The following CSMD2 variants were observed in gnomAD, a reference collection of about 807,000 sequenced individuals.
CSMD2 encodes CUB and sushi domain-containing protein 2.
CSMD2 carries 130 observed loss-of-function variants against 398.5 expected under a neutral mutation model. The observed-to-expected ratio is 0.33, with a 90% CI of 0.28 to 0.38. CSMD2 has a LOEUF of 0.38. Among genes scored for constraint, CSMD2 ranks in the 10% least tolerant of loss-of-function variants. The pLI is 1.00. For missense variants in CSMD2, 3,829 were observed against 4,764.9 expected (o/e 0.80, Z 5.78); for synonymous variants, 1,828 against 1,908.5 (o/e 0.96, Z 1.10).
chr1:33,693,637 A>AT (rs1557741122), intron 24 of CSMD2, among the ~76,000 whole-genome samples: 1 of 152,268 alleles, frequency 6.6e-6, no homozygotes, highest in Non-Finnish European at 1.5e-5. Context: ...AAACTTGAAC[A>AT]TGAATGTTCA....
intron 5 of CSMD2, chr1:33,864,744 C>A (rs1261610187): frequency 1.1e-5 from 18 of 1,606,800 alleles, no homozygotes; most frequent in Non-Finnish European, 1.4e-5. Flanking sequence ...AAGAGTCAGG[C>A]AGAGCTGATG....
intron 40 of CSMD2, among the ~76,000 whole-genome samples, chr1:33,612,869 A>G (rs1641116071): frequency 6.6e-6 from 1 of 151,906 alleles, no homozygotes; most frequent in Non-Finnish European, 1.5e-5. Context: ...TTTAGTAGAG[A>G]CGGGTTTTCA....
At position 33,633,353 on chromosome 1, in the gene CSMD2, C is replaced by G; in HGVS notation, c.5200+69G>C. On this transcript the variant is annotated intron_variant, in intron 32 of 70. Transcript: ENST00000373381. This position sits in a 1 kb window ranked among gnomAD's most constrained non-coding sequence, Gnocchi z 5.0. The stretch of plus-strand genomic sequence containing the variant: ...TGCGGCCATGGGGTGCTTCTAGAGC[C>G]TCCTTCCTTTAGCCGGACGTGATGC... 1 of 1,203,560 alleles carries G rather than the reference C, an allele frequency of 8.3e-7. No individual in the cohort carries two copies. 74.6% of individuals were successfully genotyped at this position (1,203,560 alleles called of 1,614,324 possible).
At chr1:34,062,567 G>A (rs553497990) in intron 2 of CSMD2, among the ~76,000 whole-genome samples, 4 of 152,304 alleles carry the variant, frequency 2.6e-5, no homozygotes, top group South Asian at 2.1e-4. Context: ...GAGGGGCTCC[G>A]GGGGCAAGAC....
intron 28 of CSMD2, among the ~76,000 whole-genome samples, chr1:33,647,678 C>T (rs934189072): frequency 2.6e-5 from 4 of 152,088 alleles, no homozygotes; most frequent in Non-Finnish European, 1.5e-5. Context: ...ATGAATTCTG[C>T]TAAAATTGAA....
chr1:33,987,722 C>G (rs975484110), intron 3 of CSMD2, among the ~76,000 whole-genome samples: 4 of 152,184 alleles, frequency 2.6e-5, no homozygotes, highest in Admixed American at 1.3e-4. Context: ...CTCACCCTTG[C>G]CGTGCCTCCA....
chr1:33,842,483 T>A (rs1042326275), intron 6 of CSMD2, among the ~76,000 whole-genome samples: 1 of 152,092 alleles, frequency 6.6e-6, no homozygotes. Flanking sequence ...TACCACACTT[T>A]CCAGTCTCAG....
chr1:34,009,209 AAAAC>A (rs1392917202), intron 3 of CSMD2, among the ~76,000 whole-genome samples: 1 of 152,126 alleles, frequency 6.6e-6, no homozygotes, highest in Non-Finnish European at 1.5e-5. Flanking sequence ...TCCTATGAGA[AAAAC>A]AAAGCCAAAC....
chr1:33,899,162 G>T (rs967817271), intron 5 of CSMD2, among the ~76,000 whole-genome samples: 6 of 152,230 alleles, frequency 3.9e-5, no homozygotes, highest in African/African-American at 1.4e-4. Context: ...GAACGCTGAT[G>T]GCAGTCTGTC....
In CSMD2 at chr1:33,533,100, C is replaced by T. The variant is rs1343666692; in HGVS notation, c.10121G>A (p.Arg3374His). The change falls in exon 64 of 71, where the codon CGC becomes CAC. Residue 3374 changes from arginine to histidine, a missense_variant. Around this residue, in one of 5 missense-constraint regions of CSMD2, gnomAD observed 917 missense variants for 1,199.5 expected, o/e 0.76. Coordinates refer to ENST00000373381, the MANE Select transcript of CSMD2 (RefSeq NM_001281956.2). The surrounding 1 kb of genome is among the most constrained non-coding windows in gnomAD (Gnocchi z 4.2). ...CCAGCTGCCATCCGCCTTGCAGGTGCGGTGCTCGGAGCCACCCTTGAGGGA... is the reference window on the plus strand; with the variant it reads ...CCAGCTGCCATCCGCCTTGCAGGTGTGGTGCTCGGAGCCACCCTTGAGGGA... ...GFSLKGGSEH[R>H]TCKADGSWTG... 6 of 1,613,782 alleles carry T rather than the reference C, an allele frequency of 3.7e-6. No homozygotes were observed. Among genetic ancestry groups the T allele is most frequent in the Admixed American group, 1.7e-5 (1 of 60,018 alleles).
chr1:33,531,462 TC>T (rs1655224747), intron 64 of CSMD2, among the ~76,000 whole-genome samples: 1 of 152,164 alleles, frequency 6.6e-6, no homozygotes, highest in African/African-American at 2.4e-5. Context: ...GTTACTGTTT[TC>T]CTAGATATGT....
At chr1:33,917,080 T>C (rs1450486054) in intron 5 of CSMD2, among the ~76,000 whole-genome samples, 1 of 152,018 alleles carries the variant, frequency 6.6e-6, no homozygotes, top group African/African-American at 2.4e-5. Context: ...CCTCCGTCCA[T>C]CCACTCCTGG....
chr1:33,718,831 A>C (rs966084486), intron 19 of CSMD2, among the ~76,000 whole-genome samples: 19 of 152,224 alleles, frequency 1.2e-4, no homozygotes, highest in African/African-American at 4.6e-4. Flanking sequence ...ATCTCTGTTG[A>C]TAGAGGCTGG....
At chr1:33,927,144 C>T (rs1001012909) in intron 4 of CSMD2, among the ~76,000 whole-genome samples, 2 of 152,180 alleles carry the variant, frequency 1.3e-5, no homozygotes, top group Non-Finnish European at 2.9e-5. Context: ...CCCAAAGTTG[C>T]GGCCCACCCC....
intron 10 of CSMD2, among the ~76,000 whole-genome samples, chr1:33,798,749 G>C (rs962117723): frequency 2.0e-5 from 3 of 152,226 alleles, no homozygotes; most frequent in South Asian, 4.1e-4. Flanking sequence ...ATTAGGGGGT[G>C]TCACAGCCAC....
At chr1:34,075,518 T>G (rs1656227764) in intron 2 of CSMD2, among the ~76,000 whole-genome samples, 1 of 152,194 alleles carries the variant, frequency 6.6e-6, no homozygotes, top group Non-Finnish European at 1.5e-5. Flanking sequence ...AAAACTACAT[T>G]GCACCTTAGG....
intron 48 of CSMD2, 65 bp from the exon 49 acceptor site, chr1:33,577,549 A>T (rs1638364878): frequency 2.8e-6 from 4 of 1,413,258 alleles, no homozygotes; most frequent in Non-Finnish European, 3.8e-6. Context: ...TCTTTCATGC[A>T]GGCCCCTTTC....
intron 5 of CSMD2, among the ~76,000 whole-genome samples, chr1:33,859,245 G>A (rs1639315279): frequency 6.6e-6 from 1 of 152,220 alleles, no homozygotes. Flanking sequence ...GGGGAGGACT[G>A]AGCCCCTCTG....
At chr1:33,971,645 A>T (rs967313134) in intron 3 of CSMD2, among the ~76,000 whole-genome samples, 8 of 152,174 alleles carry the variant, frequency 5.3e-5, no homozygotes, top group African/African-American at 1.9e-4. Flanking sequence ...CAAGCAGCTG[A>T]TTACTTCTTT....
Sources: allele counts gnomAD v4.1 joint callset (sites outside exome capture counted in the v4.1 genomes callset), GRCh38; gene constraint gnomAD v4.1.1; regional missense constraint gnomAD v4.1.1; non-coding constraint Gnocchi (gnomAD v3.1); transcripts MANE v1.5; gene names NCBI Gene and HGNC (gene_info 2026-07-23, HGNC 2026-07-21).